The following DNAAF9 variants were observed in gnomAD, a reference collection of about 807,000 sequenced individuals.
The protein encoded by DNAAF9 is dynein axonemal assembly factor 9.
A neutral mutation model predicts 167.0 loss-of-function variants in DNAAF9; 90 were observed. That is an observed-to-expected ratio of 0.54 (90% CI 0.45 to 0.64). The LOEUF (loss-of-function observed/expected upper bound fraction) is 0.64. Ranked by LOEUF, DNAAF9 falls within the 30% of genes least tolerant of loss-of-function variation. The probability of loss-of-function intolerance (pLI) is 0.00; values close to 1 mark genes in which losing one functional copy is unlikely to be tolerated. For missense variants in DNAAF9, 1,315 were observed against 1,442.2 expected (o/e 0.91, Z 1.43); for synonymous variants, 491 against 508.8 (o/e 0.96, Z 0.47).
At chr20:3,341,553 C>T (rs2070085920) in intron 9 of DNAAF9, among the ~76,000 whole-genome samples, 1 of 152,212 alleles carries the variant, frequency 6.6e-6, no homozygotes. Flanking sequence ...CCCAGGTACC[C>T]AGCCATCTGA....
At chr20:3,401,326 C>A (rs1310443852) in intron 1 of DNAAF9, among the ~76,000 whole-genome samples, 1 of 152,122 alleles carries the variant, frequency 6.6e-6, no homozygotes, top group East Asian at 1.9e-4. Context: ...CTGCCTCAGC[C>A]TCTCCAGTAG....
chr20:3,361,898 T>C, intron 6 of DNAAF9: 2 of 1,495,888 alleles, frequency 1.3e-6, no homozygotes, highest in Non-Finnish European at 1.9e-6. Flanking sequence ...TCTAACACTG[T>C]CCTTCAGGTG....
intron 36 of DNAAF9, 72 bp downstream of exon 36, chr20:3,253,654 T>C (rs2068229935): frequency 3.3e-6 from 3 of 910,406 alleles, no homozygotes; most frequent in African/African-American, 1.6e-5. Context: ...ACAACCGCTT[T>C]GCAGACAGGG....
At position 3,344,093 on chromosome 20, in the gene DNAAF9, C is replaced by T. The variant is rs2123121012; in HGVS notation, c.790-362G>A. ...TTTACTGCAAGAAAATTGGACCAAT[C>T]ACCATCTATGGTCCAAGTTGCTAAT... On this transcript the variant is annotated intron_variant, in intron 8 of 36. Coordinates refer to ENST00000252032, the MANE Select transcript of DNAAF9 (RefSeq NM_001009984.3). 2.0e-5 allele frequency among the ~76,000 whole-genome samples: 3 copies of T among 152,270 alleles called. No homozygotes were observed. In the South Asian group the frequency reaches 6.2e-4, roughly 32 times the overall value.
rs771938946 is a variant in DNAAF9 at position 3,343,645 on chromosome 20, T to C, written c.845+31A>G. The C allele has an allele frequency of 2.5e-6, 4 of 1,580,114 alleles. No homozygotes were observed. In the South Asian group the frequency reaches 4.5e-5, roughly 18 times the overall value. On this transcript the variant is annotated intron_variant, in intron 9 of 36. Transcript: ENST00000252032. ...GCCACCTCCATTTTCTCTATCACCA[T>C]TCGCCCTTCTTCCCCAAGAAAGAAA...
chr20:3,303,891 T>G (rs903973883), intron 21 of DNAAF9, among the ~76,000 whole-genome samples: 4 of 152,206 alleles, frequency 2.6e-5, no homozygotes, highest in Non-Finnish European at 5.9e-5. Flanking sequence ...AGGATTGTTA[T>G]AGGACAGTGG....
chr20:3,373,547 C>CT (rs1476799036), intron 6 of DNAAF9, among the ~76,000 whole-genome samples: 1 of 152,228 alleles, frequency 6.6e-6, no homozygotes, highest in African/African-American at 2.4e-5. Flanking sequence ...CTTTCCATTC[C>CT]TCTAGTACAT....
At chr20:3,310,385 G>GAA (rs1555790641) in intron 20 of DNAAF9, among the ~76,000 whole-genome samples, 11 of 150,768 alleles carry the variant, frequency 7.3e-5, no homozygotes, top group Non-Finnish European at 1.2e-4. Context: ...AAGAAAGAAA[G>GAA]AAAGAATTCC....
At chr20:3,288,406 C>T (rs1356831174) in intron 26 of DNAAF9, among the ~76,000 whole-genome samples, 1 of 152,138 alleles carries the variant, frequency 6.6e-6, no homozygotes, top group African/African-American at 2.4e-5. Context: ...GCTGAGATCG[C>T]ACCACTGCAC....
intron 1 of DNAAF9, among the ~76,000 whole-genome samples, chr20:3,407,119 G>A (rs937185121): frequency 3.3e-5 from 5 of 152,244 alleles, no homozygotes; most frequent in African/African-American, 1.2e-4. Flanking sequence ...GCCTCTGTGG[G>A]GTTCTGTGTA....
chr20:3,284,656 A>G (rs2068820756), intron 27 of DNAAF9, among the ~76,000 whole-genome samples: 1 of 152,194 alleles, frequency 6.6e-6, no homozygotes, highest in African/African-American at 2.4e-5. Context: ...AATCTATTCA[A>G]GTCTCCTTTG....
chr20:3,381,099 A>G (rs1338526212), intron 3 of DNAAF9, among the ~76,000 whole-genome samples: 1 of 152,224 alleles, frequency 6.6e-6, no homozygotes, highest in African/African-American at 2.4e-5. Flanking sequence ...TGGTCAATGA[A>G]GAGGAAAACC....
chr20:3,362,044 T>A, intron 6 of DNAAF9: 4 of 1,453,778 alleles, frequency 2.8e-6, no homozygotes, highest in Non-Finnish European at 3.8e-6. Flanking sequence ...TTAGAACTAT[T>A]AACTCCATTC....
At chr20:3,376,096 C>T in intron 4 of DNAAF9, 82 bp downstream of exon 4, 2 of 1,231,210 alleles carry the variant, frequency 1.6e-6, no homozygotes, top group South Asian at 1.4e-5. Context: ...AATTTGATTG[C>T]TGATCCTATT....
intron 9 of DNAAF9, among the ~76,000 whole-genome samples, chr20:3,341,039 C>CA (rs1199910173): frequency 1.3e-5 from 2 of 152,098 alleles, no homozygotes; most frequent in Non-Finnish European, 2.9e-5. Context: ...GACAATAGGG[C>CA]AGTCACCAAT....
chr20:3,287,693 G>A lies in DNAAF9; in HGVS notation c.2425C>T (p.Arg809Cys), dbSNP rs372080008. 1.2e-5 allele frequency: 19 copies of A among 1,614,098 alleles called. No homozygotes were observed. Among genetic ancestry groups the A allele is most frequent in the African/African-American group, 1.1e-4 (8 of 74,950 alleles). ...LSSALEAQQN[R>C]SARQSAYIRK... Reference sequence around the variant, plus strand: ...ATGTAGGCTGACTGGCGCGCAGAGCGGTTCTGCTGGGCCTCTAGGGCACTG... The same window carrying A: ...ATGTAGGCTGACTGGCGCGCAGAGCAGTTCTGCTGGGCCTCTAGGGCACTG... The change falls in exon 27 of 37, where the codon CGC (arginine) becomes TGC (cysteine). Residue 809 changes from arginine to cysteine, a missense_variant. Arg to Cys is a radical substitution (Grantham distance 180, BLOSUM62 -3). This residue lies in a region of DNAAF9 where 981 missense variants were observed against 1,012.5 expected (regional missense o/e 0.97). Transcript: ENST00000252032.
rs1258382355 is a variant in DNAAF9 at position 3,394,942 on chromosome 20, C to CTTTTTT, written c.84-12442_84-12437dup. Among the ~76,000 whole-genome samples the CTTTTTT allele has an allele frequency of 3.0e-3, 266 of 89,006 alleles. 47 individuals carry two copies. Among genetic ancestry groups the CTTTTTT allele is most frequent in the South Asian group, 8.6e-3 (23 of 2,688 alleles). The allele number at this position is 89,006 out of a possible 152,430, so 58.4% of individuals were successfully genotyped here. A position where few individuals can be genotyped will look rare whatever the true frequency, so the allele number is the denominator to read the frequency against. ...TTCCATGGCTTTTACTGAACATTTT[C>CTTTTTT]TTTTTTCTTTTTTTTTTTTTTTTTT... On this transcript the variant is annotated intron_variant, in intron 1 of 36. Coordinates refer to ENST00000252032, the MANE Select transcript of DNAAF9 (RefSeq NM_001009984.3).
At chr20:3,368,584 C>T (rs555181165) in intron 6 of DNAAF9, among the ~76,000 whole-genome samples, 2 of 150,026 alleles carry the variant, frequency 1.3e-5, no homozygotes, top group African/African-American at 4.9e-5. Flanking sequence ...ATGATCTCAG[C>T]TCACTGAAAG....
intron 12 of DNAAF9, among the ~76,000 whole-genome samples, chr20:3,329,541 A>G (rs1022933699): frequency 1.3e-5 from 2 of 152,194 alleles, no homozygotes; most frequent in Admixed American, 6.5e-5. Context: ...CTCTAATTCC[A>G]TATTTTCTAT....
Sources: allele counts gnomAD v4.1 joint callset (sites outside exome capture counted in the v4.1 genomes callset), GRCh38; gene constraint gnomAD v4.1.1; regional missense constraint gnomAD v4.1.1; transcripts MANE v1.5; gene names NCBI Gene and HGNC (gene_info 2026-07-23, HGNC 2026-07-21).